Variants in ADAMTS9 observed in about 807,000 individuals in gnomAD.
ADAMTS9 encodes A disintegrin and metalloproteinase with thrombospondin motifs 9.
Under a neutral mutation model 257.1 loss-of-function variants are expected in ADAMTS9, and 107 were observed. The observed-to-expected ratio is 0.42, with a 90% CI of 0.36 to 0.49. The LOEUF (loss-of-function observed/expected upper bound fraction) is 0.49. ADAMTS9 is among the 20% of genes least tolerant of loss of function. The pLI is 0.03. For synonymous variants in ADAMTS9, 982 were observed against 880.9 expected (o/e 1.11, Z -2.03); for missense variants, 2,353 against 2,469.1 (o/e 0.95, Z 1.00).
At chr3:64,593,768 C>T (rs192534769) in intron 28 of ADAMTS9, among the ~76,000 whole-genome samples, 3 of 152,266 alleles carry the variant, frequency 2.0e-5, no homozygotes, top group Admixed American at 1.3e-4. Flanking sequence ...TTTGTGGGCA[C>T]AGACTTTGTA....
chr3:64,686,576 A>G lies in ADAMTS9; in HGVS notation c.508T>C (p.Ser170Pro). The change falls in exon 2 of 40, where the codon TCA becomes CCA. Residue 170 changes from serine (S) to proline (P), a missense_variant. Physicochemically the swap from Ser to Pro is moderately conservative, Grantham distance 74. Coordinates refer to ENST00000498707, the MANE Select transcript of ADAMTS9 (RefSeq NM_182920.2). The surrounding 1 kb of genome is among the most constrained non-coding windows in gnomAD (Gnocchi z 4.6). Reference sequence around the variant, plus strand: ...GGCGCGCGCCCACTTACCATTCCTGAGCAGAGGCTGATGACGGCCGTGTGC... The same window carrying G: ...GGCGCGCGCCCACTTACCATTCCTGGGCAGAGGCTGATGACGGCCGTGTGC... Reference protein sequence around the residue: ...SEHTAVISLCSGMLGTFRSHD... With the variant: ...SEHTAVISLCPGMLGTFRSHD... 2 of 1,609,074 alleles carry G rather than the reference A, an allele frequency of 1.2e-6. No individual in the cohort carries two copies. Among genetic ancestry groups the G allele is most frequent in the South Asian group, 2.2e-5 (2 of 90,066 alleles).
intron 28 of ADAMTS9, among the ~76,000 whole-genome samples, chr3:64,573,860 A>G (rs2083762549): frequency 6.6e-6 from 1 of 152,172 alleles, no homozygotes; most frequent in Admixed American, 6.5e-5. Flanking sequence ...GAAAGACCAT[A>G]AACACAAGGA....
intron 3 of ADAMTS9, among the ~76,000 whole-genome samples, chr3:64,663,428 CT>C (rs10712747): frequency 0.57 from 72,073 of 127,388 alleles, 19,394 homozygotes; most frequent in Non-Finnish European, 0.6. Context: ...GTATGGAATT[CT>C]TTTTTTTTTT....
intron 2 of ADAMTS9, among the ~76,000 whole-genome samples, chr3:64,683,337 G>A (rs1015676254): frequency 3.3e-5 from 5 of 152,198 alleles, no homozygotes; most frequent in Admixed American, 1.3e-4. Context: ...ACAGCATTGA[G>A]TCTAACCTGA....
intron 22 of ADAMTS9, among the ~76,000 whole-genome samples, chr3:64,609,198 C>T (rs1052147582): frequency 2.6e-5 from 4 of 152,024 alleles, no homozygotes; most frequent in African/African-American, 7.2e-5. Flanking sequence ...AACTTTTCCC[C>T]ACAAGATCAG....
intron 23 of ADAMTS9, among the ~76,000 whole-genome samples, chr3:64,605,760 G>A (rs2084546371): frequency 6.6e-6 from 1 of 152,064 alleles, no homozygotes; most frequent in African/African-American, 2.4e-5. Context: ...TGTGTTTATA[G>A]ATATTTTGTG....
intron 30 of ADAMTS9, among the ~76,000 whole-genome samples, chr3:64,560,688 T>G (rs1027128593): frequency 2.0e-5 from 3 of 152,146 alleles, no homozygotes; most frequent in African/African-American, 4.8e-5. Context: ...GAACAAAAAG[T>G]ACCCAGCACA....
At chr3:64,592,806 C>T (rs986610799) in intron 28 of ADAMTS9, 19 of 151,470 alleles carry the variant, frequency 1.3e-4, no homozygotes, top group African/African-American at 3.9e-4. Flanking sequence ...TAATGAACTA[C>T]GACTTTGTGG....
At chr3:64,560,210 GA>G (rs1251903398) in intron 30 of ADAMTS9, among the ~76,000 whole-genome samples, 3 of 152,192 alleles carry the variant, frequency 2.0e-5, no homozygotes, top group Non-Finnish European at 2.9e-5. Flanking sequence ...CAAGTCTGTA[GA>G]ATTTTATAGT....
chr3:64,627,821 C>T (rs1464128682), intron 16 of ADAMTS9, among the ~76,000 whole-genome samples: 2 of 151,942 alleles, frequency 1.3e-5, no homozygotes, highest in Non-Finnish European at 2.9e-5. Flanking sequence ...TGAAAAAAAA[C>T]ATAAGGGATA....
intron 19 of ADAMTS9, among the ~76,000 whole-genome samples, chr3:64,618,981 C>G (rs1700035258): frequency 6.6e-6 from 1 of 152,180 alleles, no homozygotes; most frequent in Non-Finnish European, 1.5e-5. Flanking sequence ...TAGTGGCTCA[C>G]TTTGGAATCT....
intron 4 of ADAMTS9, among the ~76,000 whole-genome samples, chr3:64,658,116 G>A (rs1701129676): frequency 6.6e-6 from 1 of 152,162 alleles, no homozygotes; most frequent in African/African-American, 2.4e-5. Flanking sequence ...AACTGGACAA[G>A]CTAAAGGCCA....
At chr3:64,539,151 G>A (rs549433304) in intron 37 of ADAMTS9, 52 bp downstream of exon 37, 38 of 1,524,620 alleles carry the variant, frequency 2.5e-5, no homozygotes, top group African/African-American at 5.5e-5. Context: ...GGATGTTCCC[G>A]GGAAAGGTGG....
intron 28 of ADAMTS9, among the ~76,000 whole-genome samples, chr3:64,574,574 A>G (rs897954740): frequency 1.7e-4 from 25 of 151,342 alleles, no homozygotes; most frequent in Non-Finnish European, 3.2e-4. Context: ...AAAAAAAAAA[A>G]AAAGAAAAAT....
At chr3:64,517,416 G>GTTTTTTTTTTTGTTTTTTTTTTTTTTTT (rs2082789722) in intron 39 of ADAMTS9, among the ~76,000 whole-genome samples, 2 of 52,638 alleles carry the variant, frequency 3.8e-5, no homozygotes, top group African/African-American at 5.3e-5. Context: ...ATTAAAAATG[G>GTTTTTTTTTTTGTTTTTTTTTTTTTTTT]TTTTTTTTTT....
intron 25 of ADAMTS9, among the ~76,000 whole-genome samples, chr3:64,602,849 A>G (rs189406537): frequency 1.5e-3 from 224 of 152,186 alleles, no homozygotes; most frequent in African/African-American, 5.3e-3. Context: ...TTATTTGTTC[A>G]TTGACTGGAT....
chr3:64,544,253 G>T (rs1021793660), intron 32 of ADAMTS9, among the ~76,000 whole-genome samples: 1 of 152,048 alleles, frequency 6.6e-6, no homozygotes, highest in African/African-American at 2.4e-5. Context: ...TCACAGAATT[G>T]GGAAAAACTA....
chr3:64,571,920 G>A (rs1012423492), intron 28 of ADAMTS9, among the ~76,000 whole-genome samples: 4 of 152,144 alleles, frequency 2.6e-5, no homozygotes, highest in African/African-American at 9.7e-5. Context: ...CTCAGGCACT[G>A]ACTTTTACAT....
chr3:64,687,247 A>T lies in ADAMTS9; in HGVS notation c.116-279T>A, dbSNP rs1701938455. Among the ~76,000 whole-genome samples, 1 of 152,154 alleles carries T rather than the reference A, an allele frequency of 6.6e-6. No homozygotes were observed. The highest frequency in any genetic ancestry group is 2.4e-5 in the African/African-American group (1 of 41,438). Reference sequence around the variant, plus strand: ...ATAAATAACCTGAATAAAATAAAACATGACGCTATCTGGTGCCCCCAATTA... The same window carrying T: ...ATAAATAACCTGAATAAAATAAAACTTGACGCTATCTGGTGCCCCCAATTA... On this transcript the variant is annotated intron_variant, in intron 1 of 39. Transcript: ENST00000498707. This position sits in a 1 kb window ranked among gnomAD's most constrained non-coding sequence, Gnocchi z 4.4.
Sources: gnomAD v4.1 joint callset for allele counts (sites outside exome capture counted in the v4.1 genomes callset) on GRCh38, gnomAD v4.1.1 for gene constraint, Gnocchi (gnomAD v3.1) non-coding constraint, MANE v1.5 for transcripts, NCBI Gene and HGNC (gene_info 2026-07-23, HGNC 2026-07-21) for gene names.